CACNB1: variants seen among roughly 807,000 people sequenced by gnomAD.
CACNB1 encodes voltage-dependent L-type calcium channel subunit beta-1.
Under a neutral mutation model 71.6 loss-of-function variants are expected in CACNB1, and 29 were observed. The ratio of observed to expected loss-of-function variants is 0.40; its 90% CI spans 0.30 to 0.55. The LOEUF (loss-of-function observed/expected upper bound fraction) is 0.55, where lower values mean the gene tolerates loss of function less well. CACNB1 is among the 20% of genes least tolerant of loss of function. The pLI, the probability that CACNB1 is intolerant of heterozygous loss-of-function variation, is 0.38. For synonymous variants in CACNB1, 300 were observed against 319.6 expected, an observed-to-expected ratio of 0.94 and a Z score of 0.65; for missense variants, 623 against 801.8, an observed-to-expected ratio of 0.78 and a Z score of 2.69.
chr17:39,184,877 GCAGGGAGGGGAAA>G lies in CACNB1; in HGVS notation c.649-26_649-14del. ...GCACATGCTCTGTCTGGGGGGGGAA[GCAGGGAGGGGAAA>G]CCCCAGAGTGGAGATGACATTAGAT... On this transcript the variant is annotated splice_polypyrimidine_tract_variant and intron_variant, in intron 7 of 13. Coordinates refer to ENST00000394303, the MANE Select transcript of CACNB1 (RefSeq NM_000723.5). 1 of 1,502,950 alleles carries G rather than the reference GCAGGGAGGGGAAA, an allele frequency of 6.7e-7. No homozygotes were observed. 93.1% of individuals were successfully genotyped at this position (1,502,950 alleles called of 1,614,324 possible). A position where few individuals can be genotyped will look rare whatever the true frequency, so the allele number is the denominator to read the frequency against.
chr17:39,180,735 A>C (rs1473250338), intron 11 of CACNB1, among the ~76,000 whole-genome samples: 1 of 151,964 alleles, frequency 6.6e-6, no homozygotes, highest in Non-Finnish European at 1.5e-5. Flanking sequence ...TAGACTGTAC[A>C]CTTAATTTAT....
chr17:39,186,384 G>T lies in CACNB1; in HGVS notation c.628+112C>A. 1 of 764,578 alleles carries T rather than the reference G, an allele frequency of 1.3e-6. No individual in the cohort carries two copies. Among genetic ancestry groups the T allele is most frequent in the Non-Finnish European group, 2.2e-6 (1 of 461,734 alleles). The allele number at this position is 764,578 out of a possible 1,614,324, so 47.4% of individuals were successfully genotyped here. On this transcript the variant is annotated intron_variant, in intron 6 of 13. Coordinates refer to ENST00000394303, the MANE Select transcript of CACNB1 (RefSeq NM_000723.5). This position sits in a 1 kb window ranked among gnomAD's most constrained non-coding sequence, Gnocchi z 4.1. ...AGGGGGAACCACTGCATGTGCTTGG[G>T]GGACTCAGGATTGGGGTGTTTCCTA... is the stretch of plus-strand genomic sequence containing the variant.
rs374666242 is a variant in CACNB1, at chr17:39,179,716, T to C, written c.1051-1637A>G. Among the ~76,000 whole-genome samples, 15 of 151,754 alleles carry C rather than the reference T, an allele frequency of 9.9e-5. No individual in the cohort carries two copies. The East Asian group carries it at 2.9e-3, about 29-fold the overall frequency. On this transcript the variant is annotated intron_variant, in intron 11 of 13. Transcript: ENST00000394303. ...GAGTTCAAGACCAGCCTGGCCATCA[T>C]GGTGAAACCCTGTCTTTATTAAAAA...
intron 9 of CACNB1, 89 bp downstream of exon 9, chr17:39,184,236 G>C: frequency 7.8e-7 from 1 of 1,286,184 alleles, no homozygotes; most frequent in Non-Finnish European, 1.1e-6. Flanking sequence ...TCCTCAGTCC[G>C]AGTCCCAGGA....
chr17:39,197,298 C>T (rs2046221594), intron 1 of CACNB1, 114 bp downstream of exon 1: 2 of 618,770 alleles, frequency 3.2e-6, no homozygotes, highest in Non-Finnish European at 2.6e-6. Flanking sequence ...GCAGGCATCC[C>T]TCTCTCCTCC....
intron 11 of CACNB1, among the ~76,000 whole-genome samples, chr17:39,182,700 A>AAAATAAAT (rs59927625): frequency 0.021 from 2,904 of 140,266 alleles, 73 homozygotes; most frequent in Admixed American, 0.078. Context: ...GACTCTGTCT[A>AAAATAAAT]AAATAAATAA....
chr17:39,183,482 G>A (rs184331677), intron 11 of CACNB1, among the ~76,000 whole-genome samples: 5 of 152,320 alleles, frequency 3.3e-5, no homozygotes, highest in South Asian at 2.1e-4. Context: ...TGGTCTGCAT[G>A]ACCCTAATAA....
chr17:39,185,490 G>A (rs2045912196), intron 6 of CACNB1, among the ~76,000 whole-genome samples: 1 of 151,968 alleles, frequency 6.6e-6, no homozygotes, highest in Admixed American at 6.6e-5. Flanking sequence ...CCCATCTCCT[G>A]CCCCCAGTGC....
At chr17:39,187,332 AAGAGGCTC>A in intron 4 of CACNB1, 139 bp downstream of exon 4, 1 of 892,882 alleles carries the variant, frequency 1.1e-6, no homozygotes. Context: ...GTAGAAAATT[AAGAGGCTC>A]AGAGAGGTGG....
chr17:39,186,518 G>T lies in CACNB1; in HGVS notation c.606C>A (p.Arg202=). The T allele has an allele frequency of 1.2e-6, 2 of 1,613,306 alleles. No homozygotes were observed. Among genetic ancestry groups the T allele is most frequent in the Non-Finnish European group, 1.7e-6 (2 of 1,179,618 alleles). Residue 202 remains arginine, a synonymous_variant, in exon 6 of 14, where the codon CGC becomes CGA. Coordinates refer to ENST00000394303, the MANE Select transcript of CACNB1 (RefSeq NM_000723.5). The surrounding 1 kb of genome is among the most constrained non-coding windows in gnomAD (Gnocchi z 4.1). ...SSLGDVVTGT[R]RPTPPASAKQ... is the part of the protein sequence containing the mutation. ...TACCACTGGCAGGGGGTGTGGGGCG[G>T]CGGGTGCCAGTCACCACATCTCCCA... is the stretch of plus-strand genomic sequence containing the variant.
intron 2 of CACNB1, 67 bp from the exon 3 acceptor site, chr17:39,191,660 T>C (rs763393111): frequency 1.3e-6 from 2 of 1,544,504 alleles, no homozygotes; most frequent in Admixed American, 2.0e-5. Context: ...TGGGAAGGCA[T>C]GGAGGTGCCA....
At chr17:39,181,742 C>T (rs903648531) in intron 11 of CACNB1, among the ~76,000 whole-genome samples, 4 of 152,114 alleles carry the variant, frequency 2.6e-5, no homozygotes, top group South Asian at 2.1e-4. Context: ...GTAGGCTGGG[C>T]GCGGTGGCTC....
In CACNB1 at chr17:39,175,881, C is replaced by T. The variant is rs532439802; in HGVS notation, c.1333-224G>A. 8.6e-4 allele frequency among the ~76,000 whole-genome samples: 131 copies of T among 152,250 alleles called. No homozygotes were observed. The highest frequency in any genetic ancestry group is 3.1e-3 in the African/African-American group (127 of 41,544). On this transcript the variant is annotated intron_variant, in intron 13 of 13. Transcript: ENST00000394303. This position sits in a 1 kb window ranked among gnomAD's most constrained non-coding sequence, Gnocchi z 4.7. ...GGGACAGGGGGCACCCGACCTTCAA[C>T]AGATGTGAGGACATATGAACTCTCA...
At chr17:39,189,639 C>T (rs2144155996) in intron 3 of CACNB1, among the ~76,000 whole-genome samples, 1 of 151,134 alleles carries the variant, frequency 6.6e-6, no homozygotes, top group East Asian at 2.1e-4. Flanking sequence ...GCTGGGATTA[C>T]AGGCATGCGC....
At chr17:39,191,691 C>G in intron 2 of CACNB1, 98 bp from the exon 3 acceptor site, 1 of 1,231,984 alleles carries the variant, frequency 8.1e-7, no homozygotes, top group South Asian at 1.4e-5. Flanking sequence ...ATGCCTCGAG[C>G]CCCAGCCAGC....
At chr17:39,180,528 G>A (rs1392457195) in intron 11 of CACNB1, among the ~76,000 whole-genome samples, 4 of 151,602 alleles carry the variant, frequency 2.6e-5, no homozygotes, top group Non-Finnish European at 4.4e-5. Flanking sequence ...GGTGGTGGGC[G>A]CCTGTAATAC....
Position 39,194,184 on chromosome 17 carries a change from CA to C in CACNB1, c.171+699del, listed in dbSNP as rs1322708124. ...TGAGATGCTAAGTAGTCATAGCAAC[CA>C]CATGCCTCTCTCAGTCCCTCACCCT... On this transcript the variant is annotated intron_variant, in intron 2 of 13. Coordinates refer to ENST00000394303, the MANE Select transcript of CACNB1 (RefSeq NM_000723.5). The surrounding 1 kb of genome is among the most constrained non-coding windows in gnomAD (Gnocchi z 4.6). 6.6e-6 allele frequency among the ~76,000 whole-genome samples: 1 copy of C among 152,124 alleles called. No homozygotes were observed. The highest frequency in any genetic ancestry group is 1.5e-5 in the Non-Finnish European group (1 of 68,042).
chr17:39,175,098 C>T lies in CACNB1; in HGVS notation c.*95G>A. The T allele has an allele frequency of 9.8e-7, 1 of 1,021,208 alleles. No individual in the cohort carries two copies. Among genetic ancestry groups the T allele is most frequent in the South Asian group, 1.5e-5 (1 of 64,912 alleles). The allele number at this position is 1,021,208 out of a possible 1,614,324, so 63.3% of individuals were successfully genotyped here. A position where few individuals can be genotyped will look rare whatever the true frequency, so the allele number is the denominator to read the frequency against. ...GGCATCTGAAAGGAGGGAGACAGCG[C>T]CCCCTGGAGGCGAATACATGTCAGG... On this transcript the variant is annotated 3_prime_UTR_variant, in exon 14 of 14. Coordinates refer to ENST00000394303, the MANE Select transcript of CACNB1 (RefSeq NM_000723.5). This position sits in a 1 kb window ranked among gnomAD's most constrained non-coding sequence, Gnocchi z 4.7.
chr17:39,182,938 G>GC (rs2045815102), intron 11 of CACNB1: 1 of 982,868 alleles, frequency 1.0e-6, no homozygotes, highest in African/African-American at 1.7e-5. Context: ...TGAATTTCAA[G>GC]CCCATGCTGT....
Sources: gnomAD v4.1 joint callset for allele counts (sites outside exome capture counted in the v4.1 genomes callset) on GRCh38, gnomAD v4.1.1 for gene constraint, Gnocchi (gnomAD v3.1) non-coding constraint, MANE v1.5 for transcripts, NCBI Gene and HGNC (gene_info 2026-07-23, HGNC 2026-07-21) for gene names.